The following OSBPL8 variants were observed in gnomAD, a reference collection of about 807,000 sequenced individuals.
The protein encoded by OSBPL8 is oxysterol binding protein like 8, also known as oxysterol-binding protein-related protein 8.
A neutral mutation model predicts 125.5 loss-of-function variants in OSBPL8; 59 were observed. That is an observed-to-expected ratio of 0.47 (90% CI 0.38 to 0.58). The LOEUF (loss-of-function observed/expected upper bound fraction) is 0.58, where lower values mean the gene tolerates loss of function less well. Ranked by LOEUF, OSBPL8 falls within the 20% of genes least tolerant of loss-of-function variation. OSBPL8 has a pLI of 0.00. For missense variants in OSBPL8, 758 were observed against 1,047.8 expected, an observed-to-expected ratio of 0.72 and a Z score of 3.82; for synonymous variants, 330 against 338.9, an observed-to-expected ratio of 0.97 and a Z score of 0.29.
chr12:76,461,310 T>C (rs1874695262), intron 2 of OSBPL8, among the ~76,000 whole-genome samples: 1 of 152,154 alleles, frequency 6.6e-6, no homozygotes, highest in Non-Finnish European at 1.5e-5. Context: ...TAGATTACCC[T>C]GGGGAAAGCC....
rs1014035963 is a variant in OSBPL8 at position 76,394,658 on chromosome 12, A to G, written c.744T>C (p.Thr248=). 4 of 1,611,684 alleles carry G rather than the reference A, an allele frequency of 2.5e-6. No individual in the cohort carries two copies. The African/African-American group carries it at 4.0e-5, about 16-fold the overall frequency. ...AACTATACTTACCATCTGACTCTGA[A>G]GTAGCTCGGATGATCAAATAACTGC... is the stretch of plus-strand genomic sequence containing the variant. ...LPSSYLIIRA[T]SESDGRCWMD... is the part of the protein sequence containing the mutation. The change falls in exon 9 of 24, where the codon ACT becomes ACC. Residue 248 remains threonine, a synonymous_variant. Coordinates refer to ENST00000261183, the MANE Select transcript of OSBPL8 (RefSeq NM_020841.5).
intron 1 of OSBPL8, among the ~76,000 whole-genome samples, chr12:76,532,906 A>G (rs1026948469): frequency 7.9e-5 from 12 of 152,296 alleles, no homozygotes; most frequent in African/African-American, 2.9e-4. Context: ...ACTATTTCTA[A>G]AACTCCATTT....
chr12:76,417,506 T>C lies in OSBPL8; in HGVS notation c.218-6872A>G, dbSNP rs551299041. 1.9e-4 allele frequency among the ~76,000 whole-genome samples: 29 copies of C among 152,342 alleles called. No homozygotes were observed. The South Asian group carries it at 2.5e-3, about 13-fold the overall frequency. On this transcript the variant is annotated intron_variant, in intron 4 of 23. Coordinates refer to ENST00000261183, the MANE Select transcript of OSBPL8 (RefSeq NM_020841.5). ...TTATGACCAAAAAAAGACAGCTTTT[T>C]CCCTTTTATTCTGCATGCCTCAACT...
chr12:76,412,604 A>T (rs1868274370), intron 4 of OSBPL8, among the ~76,000 whole-genome samples: 1 of 152,196 alleles, frequency 6.6e-6, no homozygotes, highest in Non-Finnish European at 1.5e-5. Context: ...CAATAATATT[A>T]ATAAAAGCAA....
intron 21 of OSBPL8, chr12:76,366,707 A>G (rs1415067963): frequency 3.6e-5 from 9 of 249,994 alleles, no homozygotes; most frequent in South Asian, 2.6e-4. Context: ...GCATCTCGTA[A>G]GTTTTGTTAT....
At chr12:76,477,124 T>C (rs959162668) in intron 2 of OSBPL8, among the ~76,000 whole-genome samples, 1 of 152,180 alleles carries the variant, frequency 6.6e-6, no homozygotes, top group Non-Finnish European at 1.5e-5. Context: ...TTGGTTCCTT[T>C]TGTCATATCA....
At chr12:76,436,766 A>G (rs1871506715) in intron 4 of OSBPL8, among the ~76,000 whole-genome samples, 1 of 152,182 alleles carries the variant, frequency 6.6e-6, no homozygotes, top group African/African-American at 2.4e-5. Context: ...ATAAACATTT[A>G]TTTTAAATAT....
At chr12:76,409,505 TTAAA>T (rs1954423882) in intron 5 of OSBPL8, among the ~76,000 whole-genome samples, 1 of 152,176 alleles carries the variant, frequency 6.6e-6, no homozygotes, top group Non-Finnish European at 1.5e-5. Flanking sequence ...AGAACTTATG[TTAAA>T]TAAATGTGTA....
At chr12:76,384,374 C>A in intron 14 of OSBPL8, 24 bp from the exon 15 acceptor site, 1 of 1,206,360 alleles carries the variant, frequency 8.3e-7, no homozygotes, top group East Asian at 2.5e-5. Context: ...GAAAAACATG[C>A]ATATATAAAA....
chr12:76,501,878 C>T (rs78365026), intron 1 of OSBPL8, among the ~76,000 whole-genome samples: 6,538 of 152,282 alleles, frequency 0.043, 500 homozygotes, highest in African/African-American at 0.15. Context: ...AATTTCTCTT[C>T]CCTCCATGCA....
rs190777417 is a variant in OSBPL8, at chr12:76,499,166, G to A, written c.-67-11548C>T. On this transcript the variant is annotated intron_variant, in intron 1 of 23. Transcript: ENST00000261183. The stretch of plus-strand genomic sequence containing the variant: ...GCCTCCCAACCTACGTCTTTCTCCA[G>A]TGCTGGATGCTTCCTGCCCTCAAAC... Among the ~76,000 whole-genome samples, 198 of 152,210 alleles carry A rather than the reference G, an allele frequency of 1.3e-3. 1 individual carries two copies. Among genetic ancestry groups the A allele is most frequent in the Middle Eastern group, 0.01 (3 of 294 alleles).
chr12:76,454,862 G>C (rs1873835178), intron 3 of OSBPL8, among the ~76,000 whole-genome samples: 1 of 150,664 alleles, frequency 6.6e-6, no homozygotes, highest in African/African-American at 2.4e-5. Context: ...ATAAAAAAAA[G>C]ACTTTTTAAA....
chr12:76,396,264 G>A (rs1341061901), intron 8 of OSBPL8, among the ~76,000 whole-genome samples: 2 of 151,876 alleles, frequency 1.3e-5, no homozygotes, highest in African/African-American at 2.4e-5. Context: ...CTGAAATAAC[G>A]ATTAAAAAGT....
intron 2 of OSBPL8, among the ~76,000 whole-genome samples, chr12:76,470,350 A>C (rs1475683570): frequency 6.6e-6 from 1 of 152,208 alleles, no homozygotes; most frequent in African/African-American, 2.4e-5. Flanking sequence ...GTTGCCTGAA[A>C]AGGTTATGAA....
At chr12:76,554,351 A>T (rs1951034446) in intron 1 of OSBPL8, among the ~76,000 whole-genome samples, 1 of 152,226 alleles carries the variant, frequency 6.6e-6, no homozygotes, top group African/African-American at 2.4e-5. Context: ...ACGTATCAAG[A>T]GGAGCAACTG....
intron 3 of OSBPL8, among the ~76,000 whole-genome samples, chr12:76,458,224 T>A (rs946216281): frequency 2.0e-5 from 3 of 152,160 alleles, no homozygotes; most frequent in African/African-American, 4.8e-5. Flanking sequence ...CAGTAAGCTG[T>A]GATTGTGCCA....
intron 4 of OSBPL8, among the ~76,000 whole-genome samples, chr12:76,446,215 C>T (rs1230485559): frequency 6.6e-6 from 1 of 152,134 alleles, no homozygotes; most frequent in East Asian, 1.9e-4. Context: ...CATTCAGAAG[C>T]TAAAATGCTG....
chr12:76,403,363 C>T (rs1245458752), intron 5 of OSBPL8, among the ~76,000 whole-genome samples: 7 of 152,162 alleles, frequency 4.6e-5, no homozygotes, highest in African/African-American at 1.7e-4. Context: ...TTTCAGTTTA[C>T]ACTTCACATT....
chr12:76,470,419 G>A (rs1270253571), intron 2 of OSBPL8, among the ~76,000 whole-genome samples: 2 of 152,204 alleles, frequency 1.3e-5, no homozygotes, highest in Admixed American at 1.3e-4. Flanking sequence ...ATGAGAACTG[G>A]TTATATGAGA....
Sources: gnomAD v4.1 joint callset for allele counts (sites outside exome capture counted in the v4.1 genomes callset) on GRCh38, gnomAD v4.1.1 for gene constraint, MANE v1.5 for transcripts, NCBI Gene and HGNC (gene_info 2026-07-23, HGNC 2026-07-21) for gene names.